GRIP2: variants seen among roughly 807,000 people sequenced by gnomAD.
GRIP2 encodes the protein glutamate receptor-interacting protein 2.
GRIP2 carries 58 observed loss-of-function variants against 108.3 expected under a neutral mutation model. The ratio of observed to expected loss-of-function variants is 0.54; its 90% confidence interval spans 0.43 to 0.67. The LOEUF is 0.67. GRIP2 is among the 30% of genes least tolerant of loss of function. GRIP2 has a pLI of 0.00. For synonymous variants in GRIP2, 586 were observed against 598.2 expected (o/e 0.98, Z 0.30); for missense variants, 1,278 against 1,430.6 (o/e 0.89, Z 1.72).
rs537972471 is a variant in GRIP2, at chr3:14,512,069, G to A, written c.1721-590C>T. ...ATGTTCAGTCAGGTGGTCGGGGAAG[G>A]CCTTGTCAAGTGACATTTGGGCAAA... On this transcript the variant is annotated intron_variant, in intron 14 of 23. Coordinates refer to ENST00000621039, the MANE Select transcript of GRIP2 (RefSeq NM_001080423.4). This position sits in a 1 kb window ranked among gnomAD's most constrained non-coding sequence, Gnocchi z 5.1. Among the ~76,000 whole-genome samples the A allele has an allele frequency of 6.6e-6, 1 of 152,352 alleles. No homozygotes were observed. The highest frequency in any genetic ancestry group is 2.1e-4 in the South Asian group (1 of 4,830).
the GRIP2 span, among the ~76,000 whole-genome samples, chr3:14,599,073 A>G: frequency 6.6e-6 from 1 of 151,900 alleles, no homozygotes; most frequent in Non-Finnish European, 1.5e-5. Flanking sequence ...ATTCACATTT[A>G]TTTGTTCACT....
chr3:14,515,876 C>G (rs1242674229), intron 11 of GRIP2, among the ~76,000 whole-genome samples: 1 of 151,946 alleles, frequency 6.6e-6, no homozygotes, highest in Non-Finnish European at 1.5e-5. Context: ...AGTGATCTGC[C>G]CACCTCGGCC....
chr3:14,553,894 AGAGGGGTCGG>A (rs992153438), intron 1 of GRIP2, among the ~76,000 whole-genome samples: 6 of 152,220 alleles, frequency 3.9e-5, no homozygotes, highest in Admixed American at 1.3e-4. Context: ...GAAGGAGTGG[AGAGGGGTCGG>A]GCAGGAGCCT....
chr3:14,552,737 C>T (rs552361264), intron 1 of GRIP2, among the ~76,000 whole-genome samples: 1 of 151,874 alleles, frequency 6.6e-6, no homozygotes, highest in East Asian at 1.9e-4. Context: ...GAATTACAGG[C>T]GTGCGCCACC....
chr3:14,520,577 G>T, intron 7 of GRIP2, 40 bp from the exon 8 acceptor site: 2 of 1,609,574 alleles, frequency 1.2e-6, no homozygotes, highest in South Asian at 2.2e-5. Context: ...TGCAAATACC[G>T]AGCACTTTCC....
At chr3:14,531,546 G>C (rs1201272191) in intron 1 of GRIP2, among the ~76,000 whole-genome samples, 1 of 152,158 alleles carries the variant, frequency 6.6e-6, no homozygotes, top group Non-Finnish European at 1.5e-5. Context: ...TGACAGAGAG[G>C]GGAAGGAAAC....
At position 14,497,562 on chromosome 3, in the gene GRIP2, G is replaced by A. The variant is rs56343813; in HGVS notation, c.2680-1002C>T. The stretch of plus-strand genomic sequence containing the variant: ...GGTGGTGGCTGGGGGCCAGTCCTGC[G>A]GCGCCCTCTAGACCACAGTAAGAAA... On this transcript the variant is annotated intron_variant, in intron 21 of 23. Coordinates refer to ENST00000621039, the MANE Select transcript of GRIP2 (RefSeq NM_001080423.4). Among the ~76,000 whole-genome samples, 833 of 152,304 alleles carry A rather than the reference G, an allele frequency of 5.5e-3. 2 individuals carry two copies. Among genetic ancestry groups the A allele is most frequent in the Non-Finnish European group, 9.7e-3 (657 of 68,012 alleles).
the GRIP2 span, among the ~76,000 whole-genome samples, chr3:14,581,681 A>T: frequency 6.6e-6 from 1 of 152,210 alleles, no homozygotes; most frequent in African/African-American, 2.4e-5. Flanking sequence ...AGAAAGAGAG[A>T]AGTGAATGAT....
At chr3:14,504,558 C>G (rs1693865491) in intron 20 of GRIP2, among the ~76,000 whole-genome samples, 1 of 152,174 alleles carries the variant, frequency 6.6e-6, no homozygotes, top group South Asian at 2.1e-4. Flanking sequence ...GATCTGCCCA[C>G]TTCAGCCTCC....
chr3:14,566,672 G>A, the GRIP2 span, among the ~76,000 whole-genome samples: 3 of 152,160 alleles, frequency 2.0e-5, no homozygotes, highest in East Asian at 3.9e-4. Context: ...CAAGCAAGCC[G>A]TGACCTCCTA....
At chr3:14,504,890 G>A (rs1253357232) in intron 20 of GRIP2, among the ~76,000 whole-genome samples, 1 of 151,736 alleles carries the variant, frequency 6.6e-6, no homozygotes, top group Non-Finnish European at 1.5e-5. Context: ...GTGGAGCTGG[G>A]GTGCCACGCA....
the GRIP2 span, among the ~76,000 whole-genome samples, chr3:14,569,946 G>C: frequency 6.6e-6 from 1 of 152,050 alleles, no homozygotes; most frequent in African/African-American, 2.4e-5. Context: ...CTTTGCACGA[G>C]GACTATAATT....
At chr3:14,575,497 C>A in the GRIP2 span, among the ~76,000 whole-genome samples, 1 of 152,226 alleles carries the variant, frequency 6.6e-6, no homozygotes, top group African/African-American at 2.4e-5. Context: ...GCCCAGCAAG[C>A]CCCCAGCATA....
rs565011324 is a variant in GRIP2 at position 14,493,358 on chromosome 3, C to A, written c.*307G>T. ...GAGGCCCCACAGAGACCTGGGACAG[C>A]CCCCAGGCCTCTCTCCTCTCGGCTG... is the stretch of plus-strand genomic sequence containing the variant. On this transcript the variant is annotated 3_prime_UTR_variant, in exon 24 of 24. Transcript: ENST00000621039. The A allele has an allele frequency of 5.6e-5, 19 of 340,000 alleles. No individual in the cohort carries two copies. The highest frequency in any genetic ancestry group is 3.8e-4 in the African/African-American group (18 of 47,334). The allele number at this position is 340,000 out of a possible 1,614,324, so 21.1% of individuals were successfully genotyped here. A position where few individuals can be genotyped will look rare whatever the true frequency, so the allele number is the denominator to read the frequency against.
At chr3:14,579,773 CA>C in the GRIP2 span, among the ~76,000 whole-genome samples, 1 of 152,224 alleles carries the variant, frequency 6.6e-6, no homozygotes, top group Non-Finnish European at 1.5e-5. Flanking sequence ...GATGTGCCAT[CA>C]ACCCTTATCA....
At chr3:14,572,150 C>T in the GRIP2 span, among the ~76,000 whole-genome samples, 3,380 of 152,174 alleles carry the variant, frequency 0.022, 40 homozygotes, top group Non-Finnish European at 0.024. Flanking sequence ...GTTTAGGCAC[C>T]GGAGTATTCA....
At chr3:14,550,589 C>T (rs1695130879) in intron 1 of GRIP2, among the ~76,000 whole-genome samples, 1 of 152,210 alleles carries the variant, frequency 6.6e-6, no homozygotes, top group Non-Finnish European at 1.5e-5. Context: ...GGCTGGATGA[C>T]CTTGGGCAAA....
At chr3:14,561,333 C>T in the GRIP2 span, among the ~76,000 whole-genome samples, 1 of 152,224 alleles carries the variant, frequency 6.6e-6, no homozygotes, top group African/African-American at 2.4e-5. Flanking sequence ...TGTGTGGCCT[C>T]GAGCAAGTCT....
intron 19 of GRIP2, among the ~76,000 whole-genome samples, chr3:14,506,145 T>C (rs1693919782): frequency 6.6e-6 from 1 of 152,150 alleles, no homozygotes. Context: ...GAGCTGGAGA[T>C]GGGGAAGCTG....
Sources: allele counts gnomAD v4.1 joint callset (sites outside exome capture counted in the v4.1 genomes callset), GRCh38; gene constraint gnomAD v4.1.1; non-coding constraint Gnocchi (gnomAD v3.1); transcripts MANE v1.5; gene names NCBI Gene and HGNC (gene_info 2026-07-23, HGNC 2026-07-21).